TMEM184B: variants seen among roughly 807,000 people sequenced by gnomAD.
TMEM184B encodes the protein transmembrane protein 184B.
TMEM184B carries 17 observed loss-of-function variants against 41.8 expected under a neutral mutation model. The ratio of observed to expected loss-of-function variants is 0.41; its 90% CI spans 0.28 to 0.61. The LOEUF (loss-of-function observed/expected upper bound fraction) is 0.61. Among genes scored for constraint, TMEM184B ranks in the 20% least tolerant of loss-of-function variants. TMEM184B has a pLI of 0.34. For synonymous variants in TMEM184B, 240 were observed against 229.5 expected, an observed-to-expected ratio of 1.05 and a Z score of -0.41; for missense variants, 393 against 557.8, an observed-to-expected ratio of 0.70 and a Z score of 2.98.
intron 8 of TMEM184B, chr22:38,222,034 A>G: frequency 2.6e-6 from 1 of 383,100 alleles, no homozygotes; most frequent in Non-Finnish European, 4.9e-6. Flanking sequence ...AATGCCCCAG[A>G]GAGGCCAGAG....
intron 3 of TMEM184B, among the ~76,000 whole-genome samples, chr22:38,243,035 C>T (rs2091947650): frequency 7.7e-6 from 1 of 129,906 alleles, no homozygotes; most frequent in South Asian, 2.4e-4. Flanking sequence ...GCACTCCAGC[C>T]TGGCAACGGT....
At chr22:38,254,609 C>A (rs2092242053) in intron 1 of TMEM184B, among the ~76,000 whole-genome samples, 1 of 152,036 alleles carries the variant, frequency 6.6e-6, no homozygotes, top group African/African-American at 2.4e-5. Context: ...CCAAAACAAA[C>A]AAACAGGCAA....
chr22:38,231,559 G>A, intron 3 of TMEM184B: 1 of 669,306 alleles, frequency 1.5e-6, no homozygotes, highest in Non-Finnish European at 2.7e-6. Context: ...CTTATCCCGG[G>A]ATGCACCCCT....
chr22:38,251,352 G>C lies in TMEM184B; in HGVS notation c.-58-3333C>G, dbSNP rs181395022. On this transcript the variant is annotated intron_variant, in intron 1 of 8. Transcript: ENST00000361906. ...TCTCCATCTTAGAGATGAGGAAAAC[G>C]ATGCAGAACTTGGTTTTACAGCCAC... Among the ~76,000 whole-genome samples the C allele has an allele frequency of 9.2e-5, 14 of 152,322 alleles. No individual in the cohort carries two copies. The East Asian group carries it at 2.3e-3, about 25-fold the overall frequency.
chr22:38,238,227 C>CTTT (rs1029386970), intron 3 of TMEM184B, among the ~76,000 whole-genome samples: 7 of 137,548 alleles, frequency 5.1e-5, no homozygotes, highest in Admixed American at 1.5e-4. Context: ...CTATCAACTT[C>CTTT]TTTTTTTTTT....
chr22:38,260,472 T>C (rs779999648), intron 1 of TMEM184B, among the ~76,000 whole-genome samples: 1 of 152,162 alleles, frequency 6.6e-6, no homozygotes, highest in East Asian at 1.9e-4. Flanking sequence ...ACCTGACAAA[T>C]GGTTCTTCCG....
chr22:38,241,651 G>C (rs190953011), intron 3 of TMEM184B, among the ~76,000 whole-genome samples: 2 of 151,858 alleles, frequency 1.3e-5, no homozygotes, highest in Non-Finnish European at 2.9e-5. Context: ...TTGGGAGGCC[G>C]AGGCAGGTGG....
chr22:38,231,647 TG>T, intron 3 of TMEM184B: 1 of 507,540 alleles, frequency 2.0e-6, no homozygotes, highest in Non-Finnish European at 3.6e-6. Context: ...GAGGTAAGGG[TG>T]GGTACTCAGG....
intron 5 of TMEM184B, among the ~76,000 whole-genome samples, chr22:38,230,318 C>T (rs1387960889): frequency 3.3e-5 from 5 of 152,240 alleles, no homozygotes; most frequent in African/African-American, 7.2e-5. Flanking sequence ...AATGCCAAAA[C>T]CCTCCTGCCC....
rs79844565 is a variant in TMEM184B, at chr22:38,256,542, G to T, written c.-58-8523C>A. On this transcript the variant is annotated intron_variant, in intron 1 of 8. Coordinates refer to ENST00000361906, the MANE Select transcript of TMEM184B (RefSeq NM_012264.5). ...CCATGCCCGGCCAACAATCCTTATT[G>T]ATTGCTTTTCCACAAGATAACCAAT... Among the ~76,000 whole-genome samples, 483 of 152,168 alleles carry T rather than the reference G, an allele frequency of 3.2e-3. 3 individuals carry two copies. Among genetic ancestry groups the T allele is most frequent in the African/African-American group, 0.011 (465 of 41,514 alleles).
intron 3 of TMEM184B, among the ~76,000 whole-genome samples, chr22:38,234,490 TGAC>T (rs1420701546): frequency 6.6e-6 from 1 of 152,226 alleles, no homozygotes; most frequent in African/African-American, 2.4e-5. Context: ...TCCAAATTCT[TGAC>T]CTATAATATC....
intron 3 of TMEM184B, among the ~76,000 whole-genome samples, chr22:38,234,639 A>T (rs1392152716): frequency 6.6e-6 from 1 of 152,198 alleles, no homozygotes; most frequent in Admixed American, 6.5e-5. Flanking sequence ...GCCTGCATGC[A>T]ATGGTACATT....
At position 38,225,629 on chromosome 22, in the gene TMEM184B, C is replaced by A; in HGVS notation, c.618-36G>T. On this transcript the variant is annotated intron_variant, in intron 6 of 8. Transcript: ENST00000361906. The surrounding 1 kb of genome is among the most constrained non-coding windows in gnomAD (Gnocchi z 4.4). Reference sequence around the variant, plus strand: ...GGGAGCATTTTCTGGCTGGGACAGACCCTTGGAGGGAAGGGGCTCTCCTCG... The same window carrying A: ...GGGAGCATTTTCTGGCTGGGACAGAACCTTGGAGGGAAGGGGCTCTCCTCG... 6.3e-7 allele frequency: 1 copy of A among 1,578,584 alleles called. No homozygotes were observed. The highest frequency in any genetic ancestry group is 8.6e-7 in the Non-Finnish European group (1 of 1,167,350).
Position 38,246,107 on chromosome 22 carries a change from G to T in TMEM184B, c.193-7C>A. The T allele has an allele frequency of 6.2e-7, 1 of 1,607,688 alleles. No individual in the cohort carries two copies. On this transcript the variant is annotated splice_polypyrimidine_tract_variant and splice_region_variant and intron_variant, in intron 2 of 8. Coordinates refer to ENST00000361906, the MANE Select transcript of TMEM184B (RefSeq NM_012264.5). ...AGCGCAGGTGCATGTAGATCTGGGG[G>T]CAGAGGTGTGGGGTCAGCTGGGGAC...
intron 2 of TMEM184B, 93 bp downstream of exon 2, chr22:38,247,677 A>G: frequency 6.9e-7 from 1 of 1,439,552 alleles, no homozygotes; most frequent in Non-Finnish European, 9.2e-7. Context: ...CTACTACTGC[A>G]GTGCAGCCTG....
At chr22:38,252,575 C>T (rs1369712337) in intron 1 of TMEM184B, among the ~76,000 whole-genome samples, 5 of 151,782 alleles carry the variant, frequency 3.3e-5, no homozygotes, top group Non-Finnish European at 7.3e-5. Context: ...GAGGCCTCTT[C>T]CCCTTGCACT....
rs748083614 is a variant in TMEM184B, at chr22:38,240,066, C to T, written c.358+5869G>A. On this transcript the variant is annotated intron_variant, in intron 3 of 8. Coordinates refer to ENST00000361906, the MANE Select transcript of TMEM184B (RefSeq NM_012264.5). ...AACTCCTGGGCTCAAGCCATCCTCC[C>T]GCCTCAGCCTCCTGAGTTGCTGGTA... 4.6e-5 allele frequency among the ~76,000 whole-genome samples: 7 copies of T among 151,990 alleles called. No homozygotes were observed. In the South Asian group the frequency reaches 6.2e-4, roughly 14 times the overall value.
In TMEM184B at chr22:38,230,827, C is replaced by G. The variant is rs1246672266; in HGVS notation, c.450-83G>C. On this transcript the variant is annotated intron_variant, in intron 4 of 8. Coordinates refer to ENST00000361906, the MANE Select transcript of TMEM184B (RefSeq NM_012264.5). ...CAGTGGGGTGGGGAAGGCCGCCCTC[C>G]CACCCATCCAGACGAGCTGGGGCAC... is the stretch of plus-strand genomic sequence containing the variant. 3 of 1,326,240 alleles carry G rather than the reference C, an allele frequency of 2.3e-6. No individual in the cohort carries two copies. In the South Asian group the frequency reaches 3.7e-5, roughly 16 times the overall value. The allele number at this position is 1,326,240 out of a possible 1,614,324, so 82.2% of individuals were successfully genotyped here. A position where few individuals can be genotyped will look rare whatever the true frequency, so the allele number is the denominator to read the frequency against.
chr22:38,218,354 T>C (rs2091175304), downstream of TMEM184B, among the ~76,000 whole-genome samples: 2 of 152,128 alleles, frequency 1.3e-5, no homozygotes, highest in Admixed American at 1.3e-4. Flanking sequence ...GGATCTTTGG[T>C]ACTTATTTGG....
Sources: allele counts gnomAD v4.1 joint callset (sites outside exome capture counted in the v4.1 genomes callset), GRCh38; gene constraint gnomAD v4.1.1; non-coding constraint Gnocchi (gnomAD v3.1); transcripts MANE v1.5; gene names NCBI Gene and HGNC (gene_info 2026-07-23, HGNC 2026-07-21).